ROBO1: variants seen among roughly 807,000 people sequenced by gnomAD.
ROBO1 encodes the protein roundabout homolog 1.
ROBO1 carries 149 observed loss-of-function variants against 195.9 expected under a neutral mutation model. That is an observed-to-expected ratio of 0.76 (90% CI 0.67 to 0.87). ROBO1 has a LOEUF of 0.87. Among genes scored for constraint, ROBO1 ranks in the 40% least tolerant of loss-of-function variants. ROBO1 has a pLI of 0.00. For synonymous variants in ROBO1, 816 were observed against 733.2 expected (o/e 1.11, Z -1.82); for missense variants, 1,933 against 2,068.3 (o/e 0.93, Z 1.27).
At chr3:79,534,969 T>C (rs1941799969) in intron 2 of ROBO1, among the ~76,000 whole-genome samples, 2 of 152,172 alleles carry the variant, frequency 1.3e-5, no homozygotes, top group Non-Finnish European at 2.9e-5. Flanking sequence ...TTGCAAATCA[T>C]GATCCACTGC....
At chr3:79,300,538 C>A (rs1041366129) in intron 2 of ROBO1, among the ~76,000 whole-genome samples, 6 of 152,196 alleles carry the variant, frequency 3.9e-5, no homozygotes, top group African/African-American at 9.6e-5. Context: ...CCAGCCTCCC[C>A]ACTGAGCGCT....
At chr3:79,730,610 C>T (rs970844757) in intron 1 of ROBO1, among the ~76,000 whole-genome samples, 6 of 151,960 alleles carry the variant, frequency 3.9e-5, no homozygotes, top group Non-Finnish European at 5.9e-5. Context: ...TTTGAGAATG[C>T]TTTCTTTTCA....
At chr3:79,715,084 T>A (rs1702431704) in intron 1 of ROBO1, among the ~76,000 whole-genome samples, 5 of 152,080 alleles carry the variant, frequency 3.3e-5, no homozygotes, top group Admixed American at 2.0e-4. Flanking sequence ...GATGAGAAAT[T>A]GCTTTTTATG....
At chr3:79,597,038 A>G (rs1341809263) in intron 1 of ROBO1, among the ~76,000 whole-genome samples, 1 of 152,048 alleles carries the variant, frequency 6.6e-6, no homozygotes, top group African/African-American at 2.4e-5. Flanking sequence ...GAACACGGAA[A>G]GTTAAAAAAT....
intron 2 of ROBO1, among the ~76,000 whole-genome samples, chr3:79,406,263 T>C (rs573908079): frequency 4.0e-4 from 57 of 141,504 alleles, no homozygotes; most frequent in Middle Eastern, 7.4e-3. Context: ...AAAAAAAAAA[T>C]CTCTAAAAAA....
chr3:79,725,393 A>T (rs1402162404), intron 1 of ROBO1, among the ~76,000 whole-genome samples: 3 of 150,812 alleles, frequency 2.0e-5, no homozygotes, highest in African/African-American at 7.3e-5. Context: ...CGCCCGGCTA[A>T]TTTTTTGTAT....
At chr3:78,962,536 T>C (rs568528926) in intron 3 of ROBO1, among the ~76,000 whole-genome samples, 9 of 152,030 alleles carry the variant, frequency 5.9e-5, no homozygotes, top group African/African-American at 2.2e-4. Flanking sequence ...ATTTTAAAAC[T>C]TCTTTTCGGC....
At chr3:79,064,527 T>C (rs1413642807) in intron 3 of ROBO1, among the ~76,000 whole-genome samples, 1 of 151,976 alleles carries the variant, frequency 6.6e-6, no homozygotes. Context: ...TATTTTTTAA[T>C]TAAAACATTT....
chr3:78,831,878 C>T (rs2032245777), intron 4 of ROBO1, among the ~76,000 whole-genome samples: 1 of 152,132 alleles, frequency 6.6e-6, no homozygotes, highest in Non-Finnish European at 1.5e-5. Context: ...TATTCACTAT[C>T]ACAAGAACAG....
At chr3:78,866,191 A>G (rs1161256962) in intron 4 of ROBO1, among the ~76,000 whole-genome samples, 2 of 152,220 alleles carry the variant, frequency 1.3e-5, no homozygotes, top group Non-Finnish European at 2.9e-5. Context: ...TAAAACAGGA[A>G]AAGGGAATAA....
At chr3:79,322,961 A>T (rs1238569464) in intron 2 of ROBO1, among the ~76,000 whole-genome samples, 1 of 152,140 alleles carries the variant, frequency 6.6e-6, no homozygotes, top group Non-Finnish European at 1.5e-5. Flanking sequence ...GTATAGGGAA[A>T]ATTTTGATTG....
intron 2 of ROBO1, among the ~76,000 whole-genome samples, chr3:79,337,102 T>C (rs2034703861): frequency 6.6e-6 from 1 of 152,188 alleles, no homozygotes; most frequent in African/African-American, 2.4e-5. Context: ...TTGCTTTTGA[T>C]TTTACAGGCT....
At chr3:79,177,039 G>A (rs2081272211) in intron 2 of ROBO1, among the ~76,000 whole-genome samples, 1 of 152,242 alleles carries the variant, frequency 6.6e-6, no homozygotes, top group South Asian at 2.1e-4. Flanking sequence ...ATTTGGAAAA[G>A]TTTGAATGAG....
At chr3:78,777,831 TC>T (rs1220220441) in intron 4 of ROBO1, among the ~76,000 whole-genome samples, 1 of 152,182 alleles carries the variant, frequency 6.6e-6, no homozygotes, top group Non-Finnish European at 1.5e-5. Context: ...TTTATTTCTT[TC>T]TCTTGCCTGA....
chr3:78,902,598 C>G lies in ROBO1; in HGVS notation c.499+36003G>C, dbSNP rs150959382. Among the ~76,000 whole-genome samples, 1,372 of 152,072 alleles carry G rather than the reference C, an allele frequency of 9.0e-3. 19 individuals are homozygous for G. The highest frequency in any genetic ancestry group is 0.031 in the African/African-American group (1,300 of 41,510). ...GTGCAGTGGCTCATGCCTGTAATCCCAGCACTTTGAGAGGCCGGTGGATCA... is the reference window on the plus strand; with the variant it reads ...GTGCAGTGGCTCATGCCTGTAATCCGAGCACTTTGAGAGGCCGGTGGATCA... On this transcript the variant is annotated intron_variant, in intron 4 of 30. Transcript: ENST00000464233.
rs1439228152 is a variant in ROBO1 at position 78,931,575 on chromosome 3, G to C, written c.499+7026C>G. Among the ~76,000 whole-genome samples, 3 of 152,042 alleles carry C rather than the reference G, an allele frequency of 2.0e-5. No homozygotes were observed. In the East Asian group the frequency reaches 5.8e-4, roughly 29 times the overall value. On this transcript the variant is annotated intron_variant, in intron 4 of 30. Coordinates refer to ENST00000464233, the MANE Select transcript of ROBO1 (RefSeq NM_002941.4). ...ACAACATTTTCAATGTCCATATTGT[G>C]TAACAAAACAACAGAAGAACTTTTA...
intron 3 of ROBO1, among the ~76,000 whole-genome samples, chr3:79,038,296 G>A (rs2078418301): frequency 6.6e-6 from 1 of 152,120 alleles, no homozygotes; most frequent in South Asian, 2.1e-4. Flanking sequence ...ACTTATGAGT[G>A]GCTTCTTAGA....
At chr3:79,614,191 A>G (rs1277508554) in intron 1 of ROBO1, among the ~76,000 whole-genome samples, 1 of 152,142 alleles carries the variant, frequency 6.6e-6, no homozygotes, top group East Asian at 1.9e-4. Flanking sequence ...ACAGCAGCAT[A>G]ACAAATATTA....
At chr3:79,165,833 T>G (rs908254760) in intron 2 of ROBO1, among the ~76,000 whole-genome samples, 5 of 152,182 alleles carry the variant, frequency 3.3e-5, no homozygotes, top group Non-Finnish European at 4.4e-5. Flanking sequence ...GGGAAGATAT[T>G]TTATTGATGT....
Sources: gnomAD v4.1 joint callset for allele counts (sites outside exome capture counted in the v4.1 genomes callset) on GRCh38, gnomAD v4.1.1 for gene constraint, MANE v1.5 for transcripts, NCBI Gene and HGNC (gene_info 2026-07-23, HGNC 2026-07-21) for gene names.